Variants in JPH3 observed in about 807,000 individuals in gnomAD.
JPH3 encodes junctophilin 3.
Under a neutral mutation model 59.6 loss-of-function variants are expected in JPH3, and 11 were observed. The observed-to-expected ratio is 0.18, with a 90% confidence interval of 0.12 to 0.31. The LOEUF (loss-of-function observed/expected upper bound fraction) is 0.31, where lower values mean the gene tolerates loss of function less well. Ranked by LOEUF, JPH3 falls within the 10% of genes least tolerant of loss-of-function variation. JPH3 has a pLI of 1.00. For synonymous variants in JPH3, 673 were observed against 483.6 expected, an observed-to-expected ratio of 1.39 and a Z score of -5.14; for missense variants, 1,202 against 1,105.7, an observed-to-expected ratio of 1.09 and a Z score of -1.24.
chr16:87,635,996 T>C (rs1390035200), intron 1 of JPH3, among the ~76,000 whole-genome samples: 2 of 152,182 alleles, frequency 1.3e-5, no homozygotes, highest in African/African-American at 2.4e-5. Context: ...GACAGGACAT[T>C]ATCTAGCTCT....
intron 1 of JPH3, among the ~76,000 whole-genome samples, chr16:87,635,214 C>A (rs1029976771): frequency 6.6e-6 from 1 of 152,184 alleles, no homozygotes; most frequent in Non-Finnish European, 1.5e-5. Context: ...CACCCTGGGA[C>A]CTCTCAGGTG....
intron 4 of JPH3, chr16:87,694,681 T>G (rs577723206): frequency 6.4e-6 from 1 of 155,876 alleles, no homozygotes; most frequent in Non-Finnish European, 1.4e-5. Flanking sequence ...AAGCGTGTAC[T>G]GTTCACTTCA....
chr16:87,679,290 G>A (rs905469543), intron 2 of JPH3, among the ~76,000 whole-genome samples: 14 of 86,620 alleles, frequency 1.6e-4, no homozygotes, highest in Non-Finnish European at 3.2e-4. Context: ...GCTGAGGGAA[G>A]ACTCGGTCTA....
chr16:87,652,136 A>G (rs1206051932), intron 2 of JPH3, among the ~76,000 whole-genome samples: 5 of 152,066 alleles, frequency 3.3e-5, no homozygotes, highest in Non-Finnish European at 7.4e-5. Flanking sequence ...CACCGTGCCC[A>G]GCTAATTTTT....
At chr16:87,622,370 G>A (rs1426900981) in intron 1 of JPH3, among the ~76,000 whole-genome samples, 6 of 152,250 alleles carry the variant, frequency 3.9e-5, no homozygotes, top group Non-Finnish European at 7.3e-5. Context: ...ACAGAGAGTG[G>A]CTGGAGTGAG....
rs1397950979 is a variant in JPH3 at position 87,696,155 on chromosome 16, T to A, written c.2167-425T>A. 6.5e-6 allele frequency: 3 copies of A among 458,034 alleles called. No individual in the cohort carries two copies. The Admixed American group carries it at 7.0e-5, about 11-fold the overall frequency. The allele number at this position is 458,034 out of a possible 1,614,324, so 28.4% of individuals were successfully genotyped here. The stretch of plus-strand genomic sequence containing the variant: ...GCTGGGCTGCATCTGACACTGGCCA[T>A]GGCAGCCATGCGGGCCCTTCTGAGA... On this transcript the variant is annotated intron_variant, in intron 4 of 4. Transcript: ENST00000284262.
intron 1 of JPH3, among the ~76,000 whole-genome samples, chr16:87,613,884 G>A (rs2030832126): frequency 6.6e-6 from 1 of 152,202 alleles, no homozygotes; most frequent in South Asian, 2.1e-4. Flanking sequence ...TAAAAGACAG[G>A]AAAGGTGAGG....
chr16:87,655,722 A>T (rs370473025), intron 2 of JPH3, among the ~76,000 whole-genome samples: 17 of 152,362 alleles, frequency 1.1e-4, no homozygotes, highest in African/African-American at 4.1e-4. Context: ...GATATTCAGA[A>T]CACGTAATGA....
chr16:87,684,769 G>A (rs532584057), intron 3 of JPH3, among the ~76,000 whole-genome samples: 3 of 152,312 alleles, frequency 2.0e-5, no homozygotes, highest in South Asian at 2.1e-4. Flanking sequence ...AGCTCCCGCT[G>A]TGCCCCTCGG....
In JPH3 at chr16:87,690,283, C is replaced by G; in HGVS notation, c.1923C>G (p.Asp641Glu). 2 of 1,599,758 alleles carry G rather than the reference C, an allele frequency of 1.3e-6. No homozygotes were observed. Among genetic ancestry groups the G allele is most frequent in the East Asian group, 2.3e-5 (1 of 44,200 alleles). ...GCGGCGCCTGCCGGGGCTTGGGGGACGACCACCGCCCCGAGGACCGGGGCT... is the reference window on the plus strand; with the variant it reads ...GCGGCGCCTGCCGGGGCTTGGGGGAGGACCACCGCCCCGAGGACCGGGGCT... ...SKGGACRGLGDDHRPEDRGFG... is the reference protein window; with the variant it reads ...SKGGACRGLGEDHRPEDRGFG... Residue 641 changes from aspartate (D) to glutamate (E), a missense_variant, in exon 4 of 5, where the codon GAC becomes GAG. Coordinates refer to ENST00000284262, the MANE Select transcript of JPH3 (RefSeq NM_020655.4).
At chr16:87,612,135 T>A (rs147646424) in intron 1 of JPH3, among the ~76,000 whole-genome samples, 38 of 152,244 alleles carry the variant, frequency 2.5e-4, no homozygotes, top group Non-Finnish European at 4.7e-4. Flanking sequence ...TATTTTAATT[T>A]TTTTCAGACG....
chr16:87,675,210 C>G (rs969994449), intron 2 of JPH3, among the ~76,000 whole-genome samples: 1 of 137,212 alleles, frequency 7.3e-6, no homozygotes, highest in African/African-American at 2.7e-5. Context: ...TTCCCCGACT[C>G]GCTGACCCCT....
At chr16:87,695,093 G>T (rs1399033209) in intron 4 of JPH3, 2 of 353,520 alleles carry the variant, frequency 5.7e-6, no homozygotes, top group East Asian at 1.5e-4. Flanking sequence ...TGGGTCCCCG[G>T]TGTTCTCATC....
At chr16:87,602,164 G>A (rs2030223159), upstream of JPH3, 1 of 151,802 alleles carries the variant, frequency 6.6e-6, no homozygotes. Context: ...CAGCTCCCGG[G>A]AGGGGGCCGA....
At chr16:87,632,859 C>T (rs143909141) in intron 1 of JPH3, among the ~76,000 whole-genome samples, 2,247 of 151,678 alleles carry the variant, frequency 0.015, 52 homozygotes, top group African/African-American at 0.052. Context: ...TGCCACTGCA[C>T]TCCAGCCTGC....
intron 2 of JPH3, among the ~76,000 whole-genome samples, chr16:87,650,376 CCT>C: frequency 6.6e-6 from 1 of 152,288 alleles, no homozygotes; most frequent in Non-Finnish European, 1.5e-5. Flanking sequence ...CTCCCCCATC[CCT>C]CTCTCTCCTC....
chr16:87,644,471 T>A lies in JPH3; in HGVS notation c.596T>A (p.Val199Glu). Residue 199 changes from valine (V) to glutamate (E), a missense_variant, in exon 2 of 5, where the codon GTG (valine) becomes GAG (glutamate). Physicochemically the swap from Val to Glu is moderately radical, Grantham distance 121. Coordinates refer to ENST00000284262, the MANE Select transcript of JPH3 (RefSeq NM_020655.4). ...GTGTCCCGCGGGGGCTTCGTGCTCG[T>A]GGCCCACAGTGACTCCGAGATCCTC... ...PAVSRGGFVL[V>E]AHSDSEILKS... The A allele has an allele frequency of 1.9e-6, 3 of 1,612,658 alleles. No homozygotes were observed. The highest frequency in any genetic ancestry group is 2.5e-6 in the Non-Finnish European group (3 of 1,179,746).
At chr16:87,688,319 G>A (rs1050619245) in intron 3 of JPH3, among the ~76,000 whole-genome samples, 1 of 152,216 alleles carries the variant, frequency 6.6e-6, no homozygotes, top group Non-Finnish European at 1.5e-5. Flanking sequence ...CTGCCTCTTA[G>A]ACCAGCAAGG....
At chr16:87,632,172 C>A (rs760842729) in intron 1 of JPH3, among the ~76,000 whole-genome samples, 2 of 152,206 alleles carry the variant, frequency 1.3e-5, no homozygotes, top group Non-Finnish European at 2.9e-5. Context: ...CCACCTCTCT[C>A]CTGGATAAAG....
Sources: allele counts gnomAD v4.1 joint callset (sites outside exome capture counted in the v4.1 genomes callset), GRCh38; gene constraint gnomAD v4.1.1; transcripts MANE v1.5; gene names NCBI Gene and HGNC (gene_info 2026-07-23, HGNC 2026-07-21).